The following TPRG1 variants were observed in gnomAD, a reference collection of about 807,000 sequenced individuals.
TPRG1 encodes the protein tumor protein p63-regulated gene 1 protein.
In TPRG1, 29 loss-of-function variants were observed where a neutral mutation model predicts 29.3. That is an observed-to-expected ratio of 0.99 (90% CI 0.74 to 1.35). TPRG1 has a LOEUF of 1.35. Among genes scored for constraint, TPRG1 ranks in the 40% most tolerant of loss-of-function variants. TPRG1 has a pLI of 0.00. For missense variants in TPRG1, 327 were observed against 335.0 expected, an observed-to-expected ratio of 0.98 and a Z score of 0.19; for synonymous variants, 130 against 116.8, an observed-to-expected ratio of 1.11 and a Z score of -0.73.
chr3:189,169,170 A>G (rs1334806477), upstream of TPRG1, among the ~76,000 whole-genome samples: 6 of 152,156 alleles, frequency 3.9e-5, no homozygotes, highest in Non-Finnish European at 7.4e-5. Context: ...AAAAGCTATT[A>G]TTATTATTAT....
chr3:189,157,596 G>C (rs1238017098), intron 5 of TPRG1, among the ~76,000 whole-genome samples: 1 of 152,194 alleles, frequency 6.6e-6, no homozygotes, highest in African/African-American at 2.4e-5. Context: ...TTTGGCGAAA[G>C]ACAAGGAAGA....
At chr3:189,050,012 G>A (rs867485161) in intron 4 of TPRG1, among the ~76,000 whole-genome samples, 2 of 151,944 alleles carry the variant, frequency 1.3e-5, no homozygotes, top group Non-Finnish European at 2.9e-5. Context: ...CTAAGGTCAC[G>A]CCTCAAGGAA....
intron 3 of TPRG1, among the ~76,000 whole-genome samples, chr3:189,017,797 A>T (rs894493288): frequency 3.9e-5 from 6 of 152,298 alleles, no homozygotes; most frequent in Admixed American, 2.0e-4. Context: ...TCCCTGAGGA[A>T]TCGCCACACT....
At chr3:189,150,444 G>A (rs558902307) in intron 4 of TPRG1, among the ~76,000 whole-genome samples, 6 of 152,292 alleles carry the variant, frequency 3.9e-5, no homozygotes, top group Admixed American at 2.6e-4. Context: ...GCCTCCCAAA[G>A]TGCTGGGATT....
At chr3:189,021,221 G>C (rs1383166342) in intron 3 of TPRG1, among the ~76,000 whole-genome samples, 2 of 150,442 alleles carry the variant, frequency 1.3e-5, no homozygotes, top group Non-Finnish European at 3.0e-5. Flanking sequence ...GGAGCATTTA[G>C]TCCATTTACA....
intron 3 of TPRG1, among the ~76,000 whole-genome samples, chr3:189,015,814 G>A (rs1712900518): frequency 6.6e-6 from 1 of 152,260 alleles, no homozygotes; most frequent in Non-Finnish European, 1.5e-5. Flanking sequence ...TGAGGTTTGG[G>A]AACCTCCACT....
chr3:189,070,432 A>AAT (rs1716742021), intron 4 of TPRG1, among the ~76,000 whole-genome samples: 1 of 120,628 alleles, frequency 8.3e-6, no homozygotes. Flanking sequence ...GCATAAAAAT[A>AAT]AGTATAAGTC....
chr3:189,199,530 C>T (rs1453148564), intron 1 of TPRG1, among the ~76,000 whole-genome samples: 3 of 152,146 alleles, frequency 2.0e-5, no homozygotes, highest in Non-Finnish European at 4.4e-5. Context: ...CCATGAACCC[C>T]TCAGGTAACC....
rs182157129 is a variant in TPRG1, at chr3:189,227,544, C to A, written c.303-11189C>A. ...AGCCTTGAGATTGACGCAATTGTAG[C>A]CCTCACTGTGAAGAAGTAGAGAGAA... On this transcript the variant is annotated intron_variant, in intron 3 of 5. Transcript: ENST00000345063. Among the ~76,000 whole-genome samples, 5 of 152,286 alleles carry A rather than the reference C, an allele frequency of 3.3e-5. No homozygotes were observed. The East Asian group carries it at 9.7e-4, about 29-fold the overall frequency.
At chr3:189,174,924 C>A (rs1166147153) in intron 1 of TPRG1, among the ~76,000 whole-genome samples, 3 of 152,092 alleles carry the variant, frequency 2.0e-5, no homozygotes, top group Admixed American at 1.3e-4. Flanking sequence ...AATATAATGC[C>A]CTGTTTCCAA....
At chr3:189,113,189 G>A (rs888509110) in intron 1 of TPRG1, among the ~76,000 whole-genome samples, 1 of 152,120 alleles carries the variant, frequency 6.6e-6, no homozygotes, top group African/African-American at 2.4e-5. Flanking sequence ...TCTGTTATTG[G>A]TGTATAAGAA....
At chr3:189,057,492 C>A (rs950876361) in intron 4 of TPRG1, among the ~76,000 whole-genome samples, 25 of 149,462 alleles carry the variant, frequency 1.7e-4, no homozygotes, top group Admixed American at 1.1e-3. Context: ...CTTACAGAGC[C>A]CTGATTGCTT....
At chr3:189,191,571 AATG>A (rs1731697171) in intron 1 of TPRG1, among the ~76,000 whole-genome samples, 1 of 152,200 alleles carries the variant, frequency 6.6e-6, no homozygotes, top group Non-Finnish European at 1.5e-5. Flanking sequence ...GTAGCCTTAG[AATG>A]ATATTATTTG....
chr3:189,089,776 C>T (rs749604816), intron 4 of TPRG1, among the ~76,000 whole-genome samples: 12 of 152,172 alleles, frequency 7.9e-5, no homozygotes, highest in Non-Finnish European at 1.6e-4. Context: ...AATCAAATCA[C>T]CTTTTAAAGG....
chr3:189,195,892 T>C (rs1732455459), intron 1 of TPRG1, among the ~76,000 whole-genome samples: 1 of 152,226 alleles, frequency 6.6e-6, no homozygotes, highest in Non-Finnish European at 1.5e-5. Flanking sequence ...GGGTTTCTGT[T>C]ACTCCCCTGA....
chr3:189,137,894 T>C (rs1723982788), intron 3 of TPRG1, among the ~76,000 whole-genome samples: 1 of 152,208 alleles, frequency 6.6e-6, no homozygotes, highest in South Asian at 2.1e-4. Flanking sequence ...CAATTCCATT[T>C]GTCTCTGTGC....
At chr3:189,003,045 A>G (rs780638857) in intron 2 of TPRG1, among the ~76,000 whole-genome samples, 1 of 152,164 alleles carries the variant, frequency 6.6e-6, no homozygotes, top group Non-Finnish European at 1.5e-5. Flanking sequence ...AGACTGAAAT[A>G]TGAGCTCGGC....
chr3:189,171,796 A>G (rs1728842660), upstream of TPRG1, among the ~76,000 whole-genome samples: 1 of 152,200 alleles, frequency 6.6e-6, no homozygotes, highest in Non-Finnish European at 1.5e-5. Flanking sequence ...GGGAGTTGGC[A>G]GAAAAATGCA....
chr3:189,059,928 A>G (rs1356036901), intron 4 of TPRG1, among the ~76,000 whole-genome samples: 1 of 152,120 alleles, frequency 6.6e-6, no homozygotes, highest in African/African-American at 2.4e-5. Flanking sequence ...AAAATTCAAC[A>G]TTCCTTCATG....
Sources: allele counts gnomAD v4.1 joint callset (sites outside exome capture counted in the v4.1 genomes callset), GRCh38; gene constraint gnomAD v4.1.1; transcripts MANE v1.5; gene names NCBI Gene and HGNC (gene_info 2026-07-23, HGNC 2026-07-21).